The following HDAC9 variants were observed in gnomAD, a reference collection of about 807,000 sequenced individuals.
The protein encoded by HDAC9 is histone deacetylase 9, also known as MEF-2 interacting transcription repressor (MITR) protein.
Under a neutral mutation model 139.4 loss-of-function variants are expected in HDAC9, and 41 were observed. The ratio of observed to expected loss-of-function variants is 0.29; its 90% CI spans 0.23 to 0.38. HDAC9 has a LOEUF of 0.38. Ranked by LOEUF, HDAC9 falls within the 10% of genes least tolerant of loss-of-function variation. The pLI, the probability that HDAC9 is intolerant of heterozygous loss-of-function variation, is 1.00. For synonymous variants in HDAC9, 517 were observed against 476.2 expected, an observed-to-expected ratio of 1.09 and a Z score of -1.12; for missense variants, 1,147 against 1,297.0, an observed-to-expected ratio of 0.88 and a Z score of 1.78.
chr7:18,155,093 C>CTTTCTTTCTTTCTTTCTTTCTTTCTT (rs761803907), intron 1 of HDAC9, among the ~76,000 whole-genome samples: 2 of 141,694 alleles, frequency 1.4e-5, no homozygotes, highest in African/African-American at 5.3e-5. Flanking sequence ...TTCTTTCTTT[C>CTTTCTTTCTTTCTTTCTTTCTTTCTT]TTTTTTTTTT....
At chr7:18,727,461 C>A in intron 12 of HDAC9, 119 bp from the exon 13 acceptor site, 2 of 782,068 alleles carry the variant, frequency 2.6e-6, no homozygotes, top group Non-Finnish European at 3.9e-6. Context: ...TTTTCTTTTT[C>A]CTTCACACCG....
At chr7:18,500,809 C>G (rs1014368880) in intron 2 of HDAC9, among the ~76,000 whole-genome samples, 1 of 151,820 alleles carries the variant, frequency 6.6e-6, no homozygotes, top group African/African-American at 2.4e-5. Context: ...GTATTGCTTC[C>G]TACAAATAGA....
intron 14 of HDAC9, among the ~76,000 whole-genome samples, chr7:18,755,328 A>G (rs1270886540): frequency 6.6e-6 from 1 of 152,204 alleles, no homozygotes; most frequent in Non-Finnish European, 1.5e-5. Flanking sequence ...ATTAATGTGG[A>G]AAACAACCAA....
intron 1 of HDAC9, among the ~76,000 whole-genome samples, chr7:18,306,658 C>T (rs1446593974): frequency 2.0e-5 from 3 of 152,118 alleles, no homozygotes; most frequent in African/African-American, 7.2e-5. Flanking sequence ...CCTTTTGATC[C>T]AGGCATTTTC....
chr7:18,423,502 A>G (rs1334820976), intron 1 of HDAC9, among the ~76,000 whole-genome samples: 3 of 152,240 alleles, frequency 2.0e-5, no homozygotes, highest in African/African-American at 7.2e-5. Flanking sequence ...CATTTTCTAT[A>G]GGTCTGTAAA....
rs116432972 is a variant in HDAC9 at position 18,654,294 on chromosome 7, A to G, written c.1467+5611A>G. ...CCACTTTTGACTTTTTGCTGCACCT[A>G]CTTCTTCTAGTGTACCTCTTCCTCC... On this transcript the variant is annotated intron_variant, in intron 11 of 25. Coordinates refer to ENST00000686413, the MANE Select transcript of HDAC9 (RefSeq NM_178425.4). 7.2e-3 allele frequency among the ~76,000 whole-genome samples: 1,102 copies of G among 152,166 alleles called. 11 individuals carry two copies. The highest frequency in any genetic ancestry group is 0.025 in the African/African-American group (1,051 of 41,512).
intron 1 of HDAC9, among the ~76,000 whole-genome samples, chr7:18,136,469 T>C (rs1216766675): frequency 6.6e-6 from 1 of 152,204 alleles, no homozygotes; most frequent in Non-Finnish European, 1.5e-5. Flanking sequence ...CCATCTTGAA[T>C]TGATTTTTGT....
chr7:18,649,885 A>G (rs1453874801), intron 11 of HDAC9, among the ~76,000 whole-genome samples: 2 of 152,102 alleles, frequency 1.3e-5, no homozygotes, highest in Admixed American at 6.6e-5. Context: ...TTGGGGTGCT[A>G]GAGATGGGGT....
chr7:18,248,445 C>T (rs1193207361), intron 2 of HDAC9, among the ~76,000 whole-genome samples: 5 of 152,108 alleles, frequency 3.3e-5, no homozygotes, highest in African/African-American at 1.2e-4. Flanking sequence ...GTAGCTGTAT[C>T]ATAAAGGGGA....
chr7:18,857,411 G>T (rs906756636), intron 21 of HDAC9, among the ~76,000 whole-genome samples: 6 of 150,162 alleles, frequency 4.0e-5, no homozygotes, highest in Non-Finnish European at 8.9e-5. Flanking sequence ...TTTTTTGTTT[G>T]TTGTGGTTTG....
chr7:18,795,487 A>C (rs551992020), intron 17 of HDAC9, among the ~76,000 whole-genome samples: 1 of 152,186 alleles, frequency 6.6e-6, no homozygotes, highest in Non-Finnish European at 1.5e-5. Flanking sequence ...ATGAATCTCA[A>C]TTATAACACT....
intron 1 of HDAC9, among the ~76,000 whole-genome samples, chr7:18,146,014 C>G (rs144353474): frequency 1.3e-5 from 2 of 152,016 alleles, no homozygotes; most frequent in Non-Finnish European, 2.9e-5. Flanking sequence ...ACTGTTGATT[C>G]ACCAGCAAAA....
chr7:18,564,203 A>T (rs959921057), intron 2 of HDAC9, among the ~76,000 whole-genome samples: 6 of 152,154 alleles, frequency 3.9e-5, no homozygotes, highest in Admixed American at 3.9e-4. Flanking sequence ...TGCATAGTTT[A>T]GAAACAAGGA....
At chr7:18,335,886 T>C (rs555012129) in intron 1 of HDAC9, among the ~76,000 whole-genome samples, 4 of 151,692 alleles carry the variant, frequency 2.6e-5, no homozygotes, top group Admixed American at 6.6e-5. Flanking sequence ...TAATGGCAAG[T>C]GTAAGACATG....
chr7:18,730,798 AT>A (rs199866214), intron 13 of HDAC9, among the ~76,000 whole-genome samples: 3 of 151,938 alleles, frequency 2.0e-5, no homozygotes, highest in Admixed American at 6.6e-5. Flanking sequence ...TTAGCATATG[AT>A]TTTTTTTTAA....
intron 21 of HDAC9, among the ~76,000 whole-genome samples, chr7:18,841,972 G>A (rs1195131481): frequency 1.3e-5 from 2 of 152,032 alleles, no homozygotes; most frequent in Admixed American, 1.3e-4. Context: ...TTGTGGAAAG[G>A]ATATGTAATA....
intron 2 of HDAC9, among the ~76,000 whole-genome samples, chr7:18,200,717 C>T (rs1427204996): frequency 6.6e-6 from 1 of 152,144 alleles, no homozygotes; most frequent in East Asian, 1.9e-4. Context: ...CAAAGAGAAG[C>T]TACTTTTCCT....
At chr7:18,910,309 G>A (rs1453178600) in intron 22 of HDAC9, among the ~76,000 whole-genome samples, 1 of 151,802 alleles carries the variant, frequency 6.6e-6, no homozygotes, top group Non-Finnish European at 1.5e-5. Flanking sequence ...TATTTTTGAA[G>A]CTATTGCCCA....
chr7:18,967,503 C>G (rs1384164908), intron 24 of HDAC9, among the ~76,000 whole-genome samples: 2 of 139,434 alleles, frequency 1.4e-5, no homozygotes, highest in Non-Finnish European at 3.0e-5. Context: ...GTTGCCCCCC[C>G]CCCAAAAAAA....
Sources: gnomAD v4.1 joint callset for allele counts (sites outside exome capture counted in the v4.1 genomes callset) on GRCh38, gnomAD v4.1.1 for gene constraint, MANE v1.5 for transcripts, NCBI Gene and HGNC (gene_info 2026-07-23, HGNC 2026-07-21) for gene names.